SH3D19: variants seen among roughly 807,000 people sequenced by gnomAD.
SH3D19 encodes the protein SH3 domain-containing protein 19.
Under a neutral mutation model 112.1 loss-of-function variants are expected in SH3D19, and 58 were observed. That is an observed-to-expected ratio of 0.52 (90% CI 0.42 to 0.64). SH3D19 has a LOEUF of 0.64. Ranked by LOEUF, SH3D19 falls within the 30% of genes least tolerant of loss-of-function variation. SH3D19 has a pLI of 0.00. For synonymous variants in SH3D19, 391 were observed against 448.5 expected (o/e 0.87, Z 1.62); for missense variants, 1,090 against 1,263.4 (o/e 0.86, Z 2.08).
chr4:151,124,216 C>T (rs28694456), intron 19 of SH3D19, among the ~76,000 whole-genome samples: 13,184 of 151,938 alleles, frequency 0.087, 1,066 homozygotes, highest in African/African-American at 0.2. Context: ...AAGAGATTCT[C>T]CTGCCTCAGC....
intron 1 of SH3D19, among the ~76,000 whole-genome samples, chr4:151,286,761 A>G (rs1016781263): frequency 1.5e-4 from 23 of 151,590 alleles, no homozygotes; most frequent in African/African-American, 5.3e-4. Flanking sequence ...GGACAGGTCA[A>G]TTGAGGCCAG....
At chr4:151,225,933 C>G in intron 2 of SH3D19, 114 bp downstream of exon 2, 1 of 631,310 alleles carries the variant, frequency 1.6e-6, no homozygotes, top group Non-Finnish European at 2.3e-6. Flanking sequence ...TCTCTGAATG[C>G]TACAGAAGAT....
At position 151,271,434 on chromosome 4, in the gene SH3D19, C is replaced by A. The variant is rs10016329; in HGVS notation, c.113-45348G>T. 3.0e-3 allele frequency among the ~76,000 whole-genome samples: 450 copies of A among 152,304 alleles called. 4 individuals are homozygous for A. Among genetic ancestry groups the A allele is most frequent in the African/African-American group, 0.01 (428 of 41,552 alleles). On this transcript the variant is annotated intron_variant, in intron 1 of 19. Coordinates refer to ENST00000604030, the MANE Select transcript of SH3D19 (RefSeq NM_001378122.1). ...AAAGAAGACTGAATTCTTGAAGTAG[C>A]ATCTTTGCTTTACAGCAGTGGTTCT...
At chr4:151,267,602 GCAAA>G (rs1237666753) in intron 1 of SH3D19, among the ~76,000 whole-genome samples, 3 of 151,988 alleles carry the variant, frequency 2.0e-5, no homozygotes, top group Non-Finnish European at 4.4e-5. Flanking sequence ...GTAGTATCCT[GCAAA>G]CAAAGTATCA....
intron 1 of SH3D19, among the ~76,000 whole-genome samples, chr4:151,272,392 C>G (rs75526683): frequency 3.4e-4 from 52 of 152,230 alleles, no homozygotes; most frequent in Non-Finnish European, 6.0e-4. Flanking sequence ...GGAACTTTCT[C>G]CAAAATGATA....
chr4:151,300,842 C>T (rs1175115105), intron 1 of SH3D19, among the ~76,000 whole-genome samples: 1 of 152,050 alleles, frequency 6.6e-6, no homozygotes, highest in East Asian at 1.9e-4. Flanking sequence ...AGGACAGTGG[C>T]AATGAAGATG....
chr4:151,322,431 T>TA (rs57301959), intron 1 of SH3D19, among the ~76,000 whole-genome samples: 4,626 of 36,936 alleles, frequency 0.13, 222 homozygotes, highest in Non-Finnish European at 0.18. Context: ...AGACTCTGCC[T>TA]AAAAAAAAAA....
intron 1 of SH3D19, among the ~76,000 whole-genome samples, chr4:151,308,000 G>C (rs977136690): frequency 1.4e-4 from 22 of 152,172 alleles, no homozygotes; most frequent in African/African-American, 5.1e-4. Context: ...CCACCTCCCG[G>C]GTTCAAGTGA....
chr4:151,254,368 G>A (rs1489284709), intron 1 of SH3D19, among the ~76,000 whole-genome samples: 1 of 150,102 alleles, frequency 6.7e-6, no homozygotes, highest in Non-Finnish European at 1.5e-5. Context: ...GTTTCTCACA[G>A]AGGGGGATTT....
At chr4:151,203,133 A>G (rs2149890257) in intron 2 of SH3D19, among the ~76,000 whole-genome samples, 1 of 152,298 alleles carries the variant, frequency 6.6e-6, no homozygotes, top group African/African-American at 2.4e-5. Flanking sequence ...CACAGGCCAC[A>G]GTCCTAACAC....
At chr4:151,244,945 C>A (rs913908372) in intron 1 of SH3D19, among the ~76,000 whole-genome samples, 2 of 152,036 alleles carry the variant, frequency 1.3e-5, no homozygotes, top group East Asian at 1.9e-4. Flanking sequence ...AGATAAGAGA[C>A]CATCCTGGCT....
intron 1 of SH3D19, among the ~76,000 whole-genome samples, chr4:151,319,294 C>T (rs182875593): frequency 1.3e-5 from 2 of 152,350 alleles, no homozygotes; most frequent in African/African-American, 2.4e-5. Context: ...AGGTAGTCCA[C>T]CCGCATTGGC....
chr4:151,261,920 C>G (rs1352523387), intron 1 of SH3D19, among the ~76,000 whole-genome samples: 2 of 152,144 alleles, frequency 1.3e-5, no homozygotes, highest in African/African-American at 4.8e-5. Context: ...AGTAAGGACA[C>G]TCAGCAAAAG....
chr4:151,256,571 T>C (rs570318037), intron 1 of SH3D19, among the ~76,000 whole-genome samples: 1 of 152,304 alleles, frequency 6.6e-6, no homozygotes, highest in African/African-American at 2.4e-5. Context: ...CTCAGTCCCC[T>C]ATAGAACTGC....
At chr4:151,198,236 T>C (rs1333769471) in intron 2 of SH3D19, among the ~76,000 whole-genome samples, 6 of 148,380 alleles carry the variant, frequency 4.0e-5, no homozygotes, top group African/African-American at 1.5e-4. Context: ...ACCCGAGAGG[T>C]GGAGGTTGCA....
intron 2 of SH3D19, among the ~76,000 whole-genome samples, chr4:151,196,564 A>C (rs1180061438): frequency 1.3e-5 from 2 of 151,698 alleles, no homozygotes; most frequent in African/African-American, 2.4e-5. Context: ...TTATAGTATT[A>C]GTTTTTTTTT....
At chr4:151,277,330 T>A in intron 1 of SH3D19, 1 of 860,422 alleles carries the variant, frequency 1.2e-6, no homozygotes, top group Non-Finnish European at 1.6e-6. Context: ...TAGTTATGAG[T>A]AGCACAGCCT....
intron 1 of SH3D19, among the ~76,000 whole-genome samples, chr4:151,306,496 T>TA (rs959482588): frequency 2.0e-5 from 3 of 152,102 alleles, no homozygotes; most frequent in South Asian, 2.1e-4. Flanking sequence ...TGGTACTTTT[T>TA]AAAAAAGTCT....
chr4:151,286,529 C>T (rs1386287254), intron 1 of SH3D19, among the ~76,000 whole-genome samples: 2 of 150,436 alleles, frequency 1.3e-5, no homozygotes, highest in African/African-American at 4.9e-5. Context: ...CACAAACTAC[C>T]ATAACTTACC....
Sources: gnomAD v4.1 joint callset for allele counts (sites outside exome capture counted in the v4.1 genomes callset) on GRCh38, gnomAD v4.1.1 for gene constraint, MANE v1.5 for transcripts, NCBI Gene and HGNC (gene_info 2026-07-23, HGNC 2026-07-21) for gene names.